The following SLC2A9 variants were observed in gnomAD, a reference collection of about 807,000 sequenced individuals.
SLC2A9 encodes the protein solute carrier family 2, facilitated glucose transporter member 9.
In SLC2A9, 39 loss-of-function variants were observed where a neutral mutation model predicts 50.6. The observed-to-expected ratio is 0.77, with a 90% confidence interval of 0.60 to 1.01. SLC2A9 has a LOEUF of 1.01. SLC2A9 is among the 50% of genes least tolerant of loss of function. The pLI, the probability that SLC2A9 is intolerant of heterozygous loss-of-function variation, is 0.00. For missense variants in SLC2A9, 686 were observed against 677.6 expected, an observed-to-expected ratio of 1.01 and a Z score of -0.14; for synonymous variants, 324 against 276.9, an observed-to-expected ratio of 1.17 and a Z score of -1.69.
intron 10 of SLC2A9, among the ~76,000 whole-genome samples, chr4:9,862,217 G>T (rs1211185252): frequency 6.6e-6 from 1 of 152,012 alleles, no homozygotes; most frequent in Non-Finnish European, 1.5e-5. Flanking sequence ...AGACAACTTT[G>T]GATGCTTATA....
intron 7 of SLC2A9, among the ~76,000 whole-genome samples, chr4:9,910,938 A>C (rs541721404): frequency 2.7e-5 from 4 of 149,416 alleles, no homozygotes; most frequent in Admixed American, 2.7e-4. Flanking sequence ...CATAAGTGGA[A>C]GTTGAACAAT....
chr4:9,825,531 ATGTT>A (rs1468952955), downstream of SLC2A9, among the ~76,000 whole-genome samples: 7 of 145,112 alleles, frequency 4.8e-5, no homozygotes, highest in Non-Finnish European at 7.5e-5. Flanking sequence ...ATTAATCACA[ATGTT>A]TTTTTTTTTT....
intron 1 of SLC2A9, among the ~76,000 whole-genome samples, chr4:10,033,782 C>T (rs927829541): frequency 9.8e-5 from 15 of 152,312 alleles, no homozygotes; most frequent in African/African-American, 3.1e-4. Flanking sequence ...AAACGGGTGT[C>T]GCTGTGCTCG....
At chr4:9,827,603 T>C (rs1725348830) in intron 11 of SLC2A9, among the ~76,000 whole-genome samples, 1 of 152,334 alleles carries the variant, frequency 6.6e-6, no homozygotes. Flanking sequence ...AGATCTACCA[T>C]TTACTAAATC....
At chr4:9,912,182 C>T (rs1741961447) in intron 7 of SLC2A9, among the ~76,000 whole-genome samples, 1 of 152,016 alleles carries the variant, frequency 6.6e-6, no homozygotes, top group African/African-American at 2.4e-5. Flanking sequence ...GGAGATATAC[C>T]TAATGTTAAA....
intron 3 of SLC2A9, among the ~76,000 whole-genome samples, chr4:9,989,187 T>G (rs1382244892): frequency 6.6e-6 from 1 of 152,178 alleles, no homozygotes; most frequent in African/African-American, 2.4e-5. Flanking sequence ...ATCCACCCCC[T>G]TTCATTACAT....
intron 3 of SLC2A9, among the ~76,000 whole-genome samples, chr4:9,993,760 T>C (rs528469113): frequency 6.6e-6 from 1 of 152,082 alleles, no homozygotes; most frequent in Non-Finnish European, 1.5e-5. Flanking sequence ...TCGCTGAGAA[T>C]TCCCTCAGCC....
intron 10 of SLC2A9, among the ~76,000 whole-genome samples, chr4:9,850,531 C>T (rs139854873): frequency 0.013 from 1,994 of 152,222 alleles, 22 homozygotes; most frequent in Non-Finnish European, 0.02. Flanking sequence ...GCCCAGAGGG[C>T]AGTATCAGAT....
chr4:9,955,364 G>A (rs1286341342), intron 5 of SLC2A9, among the ~76,000 whole-genome samples: 2 of 103,928 alleles, frequency 1.9e-5, no homozygotes, highest in East Asian at 2.0e-4. Context: ...GCGTGATGGC[G>A]GGCGCCTGTA....
At chr4:9,892,316 A>T (rs542029091) in intron 8 of SLC2A9, among the ~76,000 whole-genome samples, 6 of 152,308 alleles carry the variant, frequency 3.9e-5, no homozygotes, top group African/African-American at 1.4e-4. Context: ...CGAAAGTCAG[A>T]GGCCTGGGAG....
rs747922850 is a variant in SLC2A9, at chr4:9,887,561, C to T, written c.1291+6G>A. On this transcript the variant is annotated splice_donor_region_variant and intron_variant, in intron 10 of 11. Transcript: ENST00000264784. ...GCGGGGCAGTGGGGAGGGTGGGGTG[C>T]CTTACCTGGCCCACTGCAGAAAGAG... 79 of 1,556,628 alleles carry T rather than the reference C, an allele frequency of 5.1e-5. No homozygotes were observed. The highest frequency in any genetic ancestry group is 6.3e-5 in the Non-Finnish European group (72 of 1,151,132).
Position 9,998,700 on chromosome 4 carries a change from T to C in SLC2A9, c.250-1759A>G, listed in dbSNP as rs1052063985. On this transcript the variant is annotated intron_variant, in intron 2 of 11. Coordinates refer to ENST00000264784, the MANE Select transcript of SLC2A9 (RefSeq NM_020041.3). ...GAGCCCTAGGATATATGTACTCAGA[T>C]GTCCATGGCAGCATTGCACATAATA... Among the ~76,000 whole-genome samples the C allele has an allele frequency of 5.9e-5, 9 of 152,292 alleles. No homozygotes were observed. The East Asian group carries it at 1.7e-3, about 29-fold the overall frequency.
At position 9,826,280 on chromosome 4, in the gene SLC2A9, T is replaced by G; in HGVS notation, c.*117A>C. 1 of 996,492 alleles carries G rather than the reference T, an allele frequency of 1.0e-6. No homozygotes were observed. The highest frequency in any genetic ancestry group is 1.8e-5 in the Admixed American group (1 of 54,740). 61.7% of individuals were successfully genotyped at this position (996,492 alleles called of 1,614,324 possible). A position where few individuals can be genotyped will look rare whatever the true frequency, so the allele number is the denominator to read the frequency against. On this transcript the variant is annotated 3_prime_UTR_variant, in exon 12 of 12. Transcript: ENST00000264784. ...TAATAATATAAAAGACTTGCATAGC[T>G]TCAATTCATTTAAGCTTCCCAATAA... is the stretch of plus-strand genomic sequence containing the variant.
At chr4:9,937,386 G>C (rs1217044074) in intron 6 of SLC2A9, among the ~76,000 whole-genome samples, 3 of 152,114 alleles carry the variant, frequency 2.0e-5, no homozygotes, top group African/African-American at 7.2e-5. Context: ...GTCCCAACAA[G>C]TTCTCTCTAG....
At chr4:9,797,927 A>C (rs1221157801), downstream of SLC2A9, among the ~76,000 whole-genome samples, 4 of 151,886 alleles carry the variant, frequency 2.6e-5, no homozygotes, top group Non-Finnish European at 2.9e-5. Context: ...CTCCTATTCC[A>C]CCTCCACAGT....
chr4:10,028,769 C>T (rs926787231), intron 1 of SLC2A9, among the ~76,000 whole-genome samples: 4 of 152,178 alleles, frequency 2.6e-5, no homozygotes, highest in African/African-American at 9.7e-5. Flanking sequence ...CTGCCTCTGC[C>T]TCCTTCCTGT....
intron 3 of SLC2A9, among the ~76,000 whole-genome samples, chr4:9,805,917 G>C (rs1722060880): frequency 6.6e-6 from 1 of 152,096 alleles, no homozygotes; most frequent in Non-Finnish European, 1.5e-5. Flanking sequence ...CATTTCACTG[G>C]TGAAGAATGC....
intron 5 of SLC2A9, among the ~76,000 whole-genome samples, chr4:9,955,214 C>G (rs1413499493): frequency 2.3e-5 from 1 of 43,418 alleles, no homozygotes; most frequent in Non-Finnish European, 4.5e-5. Flanking sequence ...CCAAGTCGGC[C>G]GGGCGCGGTG....
At chr4:9,857,100 A>C (rs1317729013) in intron 10 of SLC2A9, among the ~76,000 whole-genome samples, 1 of 152,134 alleles carries the variant, frequency 6.6e-6, no homozygotes, top group Non-Finnish European at 1.5e-5. Context: ...TGTACCCCTG[A>C]AACGAAAAGT....
Sources: allele counts gnomAD v4.1 joint callset (sites outside exome capture counted in the v4.1 genomes callset), GRCh38; gene constraint gnomAD v4.1.1; transcripts MANE v1.5; gene names NCBI Gene and HGNC (gene_info 2026-07-23, HGNC 2026-07-21).